ITPR3: variants seen among roughly 807,000 people sequenced by gnomAD.
ITPR3 encodes the protein inositol 1,4,5-trisphosphate receptor type 3.
In ITPR3, 173 loss-of-function variants were observed where a neutral mutation model predicts 293.2. That is an observed-to-expected ratio of 0.59 (90% CI 0.52 to 0.67). The LOEUF is 0.67. Among genes scored for constraint, ITPR3 ranks in the 30% least tolerant of loss-of-function variants. ITPR3 has a pLI of 0.00. For synonymous variants in ITPR3, 1,295 were observed against 1,444.4 expected (o/e 0.90, Z 2.35); for missense variants, 2,796 against 3,592.1 (o/e 0.78, Z 5.66).
intron 2 of ITPR3, among the ~76,000 whole-genome samples, chr6:33,652,651 A>G (rs1046295542): frequency 1.3e-5 from 2 of 151,852 alleles, no homozygotes; most frequent in Admixed American, 6.6e-5. Flanking sequence ...TTTTTAGTAG[A>G]GATGGGGTTT....
chr6:33,666,031 G>A lies in ITPR3; in HGVS notation c.1551+55G>A. ...GGGGCCGGGTGCCCGGGAGAGGGAT[G>A]CCTTCAACTGCAGGCTCATCCCCCG... On this transcript the variant is annotated intron_variant, in intron 14 of 57. Coordinates refer to ENST00000605930, the MANE Select transcript of ITPR3 (RefSeq NM_002224.4). This position sits in a 1 kb window ranked among gnomAD's most constrained non-coding sequence, Gnocchi z 5.1. 6.5e-7 allele frequency: 1 copy of A among 1,537,012 alleles called. No homozygotes were observed. Among genetic ancestry groups the A allele is most frequent in the Admixed American group, 2.0e-5 (1 of 50,940 alleles).
chr6:33,687,832 G>A lies in ITPR3; in HGVS notation c.6265-225G>A, dbSNP rs113388609. ...CTTGGGCAGGACTGAGGAGGCCCCC[G>A]CTATCCTCTGGGATTCTCTGGTCAT... On this transcript the variant is annotated intron_variant, in intron 46 of 57. Coordinates refer to ENST00000605930, the MANE Select transcript of ITPR3 (RefSeq NM_002224.4). This position sits in a 1 kb window ranked among gnomAD's most constrained non-coding sequence, Gnocchi z 5.3. Among the ~76,000 whole-genome samples the A allele has an allele frequency of 9.8e-5, 15 of 152,286 alleles. No homozygotes were observed. The highest frequency in any genetic ancestry group is 3.4e-4 in the African/African-American group (14 of 41,556).
chr6:33,674,182 G>A (rs1478713015), intron 23 of ITPR3, 26 bp from the exon 24 acceptor site: 1 of 1,613,624 alleles, frequency 6.2e-7, no homozygotes, highest in South Asian at 1.1e-5. Context: ...CCTACAATCT[G>A]CTTCCATCTG....
chr6:33,630,328 G>A (rs542467313), intron 1 of ITPR3, among the ~76,000 whole-genome samples: 261 of 152,284 alleles, frequency 1.7e-3, no homozygotes, highest in African/African-American at 6.2e-3. Context: ...GAGCCAGGGC[G>A]AGTTGGCCTG....
intron 28 of ITPR3, 73 bp from the exon 29 acceptor site, chr6:33,678,348 T>A: frequency 7.7e-6 from 12 of 1,559,664 alleles, no homozygotes; most frequent in South Asian, 1.1e-5. Context: ...CCCCTGCTCC[T>A]GTCAGAGCTC....
chr6:33,636,008 C>T (rs1479344170), intron 1 of ITPR3, among the ~76,000 whole-genome samples: 2 of 150,830 alleles, frequency 1.3e-5, no homozygotes, highest in African/African-American at 2.5e-5. Flanking sequence ...ATCCCCTGGC[C>T]GGGTTCGGTG....
Position 33,664,841 on chromosome 6 carries a change from C to G in ITPR3, c.1149-29C>G. Reference sequence around the variant, plus strand: ...ATGACGTGCTCTGTGGTGCACTCCCCGAGTCCTTTCCCTCCCACCCACCTG... The same window carrying G: ...ATGACGTGCTCTGTGGTGCACTCCCGGAGTCCTTTCCCTCCCACCCACCTG... On this transcript the variant is annotated intron_variant, in intron 11 of 57. Transcript: ENST00000605930. The surrounding 1 kb of genome is among the most constrained non-coding windows in gnomAD (Gnocchi z 4.4). 6.2e-7 allele frequency: 1 copy of G among 1,603,770 alleles called. No homozygotes were observed. The highest frequency in any genetic ancestry group is 1.1e-5 in the South Asian group (1 of 90,538).
intron 1 of ITPR3, among the ~76,000 whole-genome samples, chr6:33,640,259 G>C (rs1034615629): frequency 6.6e-6 from 1 of 152,116 alleles, no homozygotes; most frequent in African/African-American, 2.4e-5. Context: ...GGGGTGGGCT[G>C]GGTGTGCTTC....
Position 33,656,036 on chromosome 6 carries a change from G to A in ITPR3, c.282+149G>A, listed in dbSNP as rs549484304. On this transcript the variant is annotated intron_variant, in intron 3 of 57. Coordinates refer to ENST00000605930, the MANE Select transcript of ITPR3 (RefSeq NM_002224.4). ...CGTATGGGCGTGACAGTTCACACCTGTAATTCCAGCACTTTGGGAGGCCAA... is the reference window on the plus strand; with the variant it reads ...CGTATGGGCGTGACAGTTCACACCTATAATTCCAGCACTTTGGGAGGCCAA... 2.4e-4 allele frequency: 252 copies of A among 1,054,584 alleles called. 1 individual carries two copies. In the African/African-American group the frequency reaches 3.8e-3, roughly 16 times the overall value. The allele number at this position is 1,054,584 out of a possible 1,614,324, so 65.3% of individuals were successfully genotyped here.
chr6:33,649,342 C>T (rs1210278086), intron 2 of ITPR3, among the ~76,000 whole-genome samples: 1 of 152,256 alleles, frequency 6.6e-6, no homozygotes, highest in Non-Finnish European at 1.5e-5. Flanking sequence ...TCTCCTGTCT[C>T]AGTCTCCCAA....
rs1434837039 is a variant in ITPR3 at position 33,688,260 on chromosome 6, A to G, written c.6397A>G (p.Met2133Val). Residue 2133 changes from methionine to valine, a missense_variant, in exon 48 of 58, where the codon ATG (methionine) becomes GTG (valine). Physicochemically the swap from Met to Val is conservative, Grantham distance 21. Around this residue, in one of 8 missense-constraint regions of ITPR3, gnomAD observed 568 missense variants for 796.1 expected, o/e 0.71. Coordinates refer to ENST00000605930, the MANE Select transcript of ITPR3 (RefSeq NM_002224.4). Reference protein sequence around the residue: ...QIEIVRQDRSMEQIVFPVPGI... With the variant: ...QIEIVRQDRSVEQIVFPVPGI... ...TCAGATTGTGCGGCAGGACCGCAGCATGGAGCAGATCGTGTTCCCAGTGCC... is the reference window on the plus strand; with the variant it reads ...TCAGATTGTGCGGCAGGACCGCAGCGTGGAGCAGATCGTGTTCCCAGTGCC... 1 of 1,614,092 alleles carries G rather than the reference A, an allele frequency of 6.2e-7. No individual in the cohort carries two copies. Among genetic ancestry groups the G allele is most frequent in the Non-Finnish European group, 8.5e-7 (1 of 1,180,020 alleles).
intron 28 of ITPR3, among the ~76,000 whole-genome samples, chr6:33,677,964 T>C (rs1224821828): frequency 6.6e-6 from 1 of 152,152 alleles, no homozygotes; most frequent in Non-Finnish European, 1.5e-5. Context: ...CTTCCTTACC[T>C]TGACCCATGT....
chr6:33,687,475 C>T lies in ITPR3; in HGVS notation c.6178-3C>T, dbSNP rs112514381. 6 of 1,610,068 alleles carry T rather than the reference C, an allele frequency of 3.7e-6. No individual in the cohort carries two copies. Among genetic ancestry groups the T allele is most frequent in the African/African-American group, 1.3e-5 (1 of 74,974 alleles). ...CTGGTGACTGTGCTGCCATTTCCCTCAGCTCTCCAGGCACAATAAACAGCT... is the reference window on the plus strand; with the variant it reads ...CTGGTGACTGTGCTGCCATTTCCCTTAGCTCTCCAGGCACAATAAACAGCT... On this transcript the variant is annotated splice_polypyrimidine_tract_variant and splice_region_variant and intron_variant, in intron 45 of 57. Coordinates refer to ENST00000605930, the MANE Select transcript of ITPR3 (RefSeq NM_002224.4). This position sits in a 1 kb window ranked among gnomAD's most constrained non-coding sequence, Gnocchi z 5.3.
In ITPR3 at chr6:33,621,755, C is replaced by G; in HGVS notation, c.89+64C>G. On this transcript the variant is annotated intron_variant, in intron 1 of 57. Coordinates refer to ENST00000605930, the MANE Select transcript of ITPR3 (RefSeq NM_002224.4). The surrounding 1 kb of genome is among the most constrained non-coding windows in gnomAD (Gnocchi z 7.7). The stretch of plus-strand genomic sequence containing the variant: ...GGGGCGCCGTGGGCCCTGGTGCCAG[C>G]TGCGTGCGTCCAGCCGCCGCCCCCC... The G allele has an allele frequency of 3.1e-6, 4 of 1,272,526 alleles. No individual in the cohort carries two copies. The highest frequency in any genetic ancestry group is 4.5e-6 in the Non-Finnish European group (4 of 896,162). 78.8% of individuals were successfully genotyped at this position (1,272,526 alleles called of 1,614,324 possible). A position where few individuals can be genotyped will look rare whatever the true frequency, so the allele number is the denominator to read the frequency against.
In ITPR3 at chr6:33,685,730, G is replaced by A. The variant is rs755042622; in HGVS notation, c.5570G>A (p.Arg1857His). ...CGCCGGGGGCACGAGGTGAGCGAAC[G>A]TGTGCAGAGCAGTGAGATGGGCACA... ...SLRRGHEVSE[R>H]VQSSEMGTSV... Residue 1857 changes from arginine to histidine, a missense_variant, in exon 41 of 58, where the codon CGT becomes CAT. Arg to His is a conservative substitution (Grantham distance 29). Transcript: ENST00000605930. 8 of 1,609,454 alleles carry A rather than the reference G, an allele frequency of 5.0e-6. No individual in the cohort carries two copies. Among genetic ancestry groups the A allele is most frequent in the Admixed American group, 3.3e-5 (2 of 59,842 alleles).
Position 33,673,721 on chromosome 6 carries a change from G to T in ITPR3, c.3058+1G>T. On this transcript the variant is annotated splice_donor_variant, in intron 23 of 57. Transcript: ENST00000605930. LOFTEE classifies it high-confidence loss of function. ...ACAGCCCCTGCCTTCGACTCTACCAGTAAGCCCCTGCCCTGCCTTCAGGCT... is the reference window on the plus strand; with the variant it reads ...ACAGCCCCTGCCTTCGACTCTACCATTAAGCCCCTGCCCTGCCTTCAGGCT... 1.2e-6 allele frequency: 2 copies of T among 1,614,042 alleles called. No individual in the cohort carries two copies. The highest frequency in any genetic ancestry group is 1.1e-5 in the South Asian group (1 of 91,072).
chr6:33,646,148 T>G (rs1345177869), intron 2 of ITPR3, among the ~76,000 whole-genome samples: 4 of 152,184 alleles, frequency 2.6e-5, no homozygotes, highest in Non-Finnish European at 5.9e-5. Flanking sequence ...AAATGTACTC[T>G]TATTCCTTTT....
intron 2 of ITPR3, among the ~76,000 whole-genome samples, chr6:33,652,120 C>G (rs1281111735): frequency 6.6e-6 from 1 of 152,182 alleles, no homozygotes; most frequent in Non-Finnish European, 1.5e-5. Flanking sequence ...CCTGGCCCCT[C>G]TTTCCTGCAT....
chr6:33,663,950 C>T lies in ITPR3; in HGVS notation c.1148+70C>T. ...GGTGGGCCCTCCTGTCTCTGGGACT[C>T]TCTGGATCCCCCACTCCTCCGCCCT... is the stretch of plus-strand genomic sequence containing the variant. On this transcript the variant is annotated intron_variant, in intron 11 of 57. Coordinates refer to ENST00000605930, the MANE Select transcript of ITPR3 (RefSeq NM_002224.4). The T allele has an allele frequency of 4.4e-6, 7 of 1,576,568 alleles. No homozygotes were observed. In the South Asian group the frequency reaches 6.9e-5, roughly 16 times the overall value.
Sources: gnomAD v4.1 joint callset for allele counts (sites outside exome capture counted in the v4.1 genomes callset) on GRCh38, gnomAD v4.1.1 for gene constraint, gnomAD v4.1.1 regional missense constraint, Gnocchi (gnomAD v3.1) non-coding constraint, MANE v1.5 for transcripts, NCBI Gene and HGNC (gene_info 2026-07-23, HGNC 2026-07-21) for gene names.